Variants in ABCA12 observed in about 807,000 individuals in gnomAD.
ABCA12 encodes ATP binding cassette subfamily A member 12, also known as glucosylceramide transporter ABCA12.
Under a neutral mutation model 293.5 loss-of-function variants are expected in ABCA12, and 156 were observed. That is an observed-to-expected ratio of 0.53 (90% confidence interval 0.47 to 0.61). The LOEUF is 0.61. Among genes scored for constraint, ABCA12 ranks in the 20% least tolerant of loss-of-function variants. The probability of loss-of-function intolerance (pLI) is 0.00; values close to 1 mark genes in which losing one functional copy is unlikely to be tolerated. For synonymous variants in ABCA12, 1,063 were observed against 1,108.0 expected, an observed-to-expected ratio of 0.96 and a Z score of 0.81; for missense variants, 2,797 against 3,090.2, an observed-to-expected ratio of 0.91 and a Z score of 2.25.
At chr2:215,055,542 T>A (rs6730559) in intron 3 of ABCA12, among the ~76,000 whole-genome samples, 97,395 of 151,896 alleles carry the variant, frequency 0.64, 31,870 homozygotes, top group African/African-American at 0.77. Context: ...AAAGTTGGTG[T>A]ATTTTATGTA....
At chr2:214,989,198 A>ATATATATATATATATATATATATT in intron 26 of ABCA12, 131 bp downstream of exon 26, 1 of 142,116 alleles carries the variant, frequency 7.0e-6, no homozygotes, top group East Asian at 2.1e-4. Flanking sequence ...ATATATATAT[A>ATATATATATATATATATATATATT]TATATATATA....
At chr2:215,083,513 G>A (rs904954876) in intron 2 of ABCA12, among the ~76,000 whole-genome samples, 23 of 152,070 alleles carry the variant, frequency 1.5e-4, no homozygotes, top group African/African-American at 5.3e-4. Flanking sequence ...GCAATTTTAC[G>A]TCAAAGTCTC....
chr2:215,084,522 C>T (rs2106098623), intron 2 of ABCA12, among the ~76,000 whole-genome samples: 1 of 152,296 alleles, frequency 6.6e-6, no homozygotes, highest in African/African-American at 2.4e-5. Flanking sequence ...GTGAAAGACA[C>T]TCTCCTACTG....
rs1367035758 is a variant in ABCA12, at chr2:215,001,538, C to T, written c.2863+20G>A. The T allele has an allele frequency of 6.2e-7, 1 of 1,613,286 alleles. No individual in the cohort carries two copies. Among genetic ancestry groups the T allele is most frequent in the Non-Finnish European group, 8.5e-7 (1 of 1,179,564 alleles). On this transcript the variant is annotated intron_variant, in intron 21 of 52. Coordinates refer to ENST00000272895, the MANE Select transcript of ABCA12 (RefSeq NM_173076.3). ...TTTTAGCACAAAGAGATGCTCAAACCCTAATAGAACAGCACTTACTTCCAA... is the reference window on the plus strand; with the variant it reads ...TTTTAGCACAAAGAGATGCTCAAACTCTAATAGAACAGCACTTACTTCCAA...
intron 2 of ABCA12, among the ~76,000 whole-genome samples, chr2:215,080,432 G>A (rs1701914758): frequency 6.6e-6 from 1 of 151,978 alleles, no homozygotes; most frequent in Non-Finnish European, 1.5e-5. Context: ...GAACCCAGGA[G>A]GCGGAGGTTG....
At chr2:214,987,089 A>G (rs1046503330) in intron 27 of ABCA12, among the ~76,000 whole-genome samples, 1 of 152,166 alleles carries the variant, frequency 6.6e-6, no homozygotes, top group Non-Finnish European at 1.5e-5. Flanking sequence ...ATGCCTCCAA[A>G]GTTGTGATTT....
rs780145431 is a variant in ABCA12, at chr2:215,026,860, A to G, written c.1140T>C (p.Cys380=). ...CCAAACTGTCAGTCACATTTCTCAC[A>G]CATGCCAAGTAAGGAATATAAGGAC... ...ANSPYIPYLA[C]VRNVTDSLAR... is the part of the protein sequence containing the mutation. Residue 380 remains cysteine (C), a synonymous_variant, in exon 10 of 53, where the codon TGT becomes TGC. Transcript: ENST00000272895. 9.3e-6 allele frequency: 15 copies of G among 1,613,686 alleles called. No homozygotes were observed. The highest frequency in any genetic ancestry group is 3.3e-5 in the South Asian group (3 of 91,078).
chr2:215,035,291 A>G (rs1700967945), intron 8 of ABCA12, among the ~76,000 whole-genome samples: 1 of 152,238 alleles, frequency 6.6e-6, no homozygotes, highest in African/African-American at 2.4e-5. Context: ...AAGAAACAAA[A>G]GGTAAGTGTA....
chr2:215,099,368 CA>C (rs1702307650), intron 2 of ABCA12, among the ~76,000 whole-genome samples: 1 of 152,190 alleles, frequency 6.6e-6, no homozygotes, highest in Admixed American at 6.5e-5. Flanking sequence ...TGAGACACAC[CA>C]AGGCAAAGCC....
chr2:215,004,337 A>G (rs1700208911), intron 19 of ABCA12, 38 bp from the exon 20 acceptor site: 1 of 1,497,382 alleles, frequency 6.7e-7, no homozygotes, highest in South Asian at 1.1e-5. Flanking sequence ...TCAATACAAG[A>G]AAAATCATGT....
intron 2 of ABCA12, among the ~76,000 whole-genome samples, chr2:215,094,595 T>A (rs1039659894): frequency 6.6e-6 from 1 of 152,192 alleles, no homozygotes; most frequent in Non-Finnish European, 1.5e-5. Context: ...TTAGAACCTC[T>A]CATTTCCTTT....
At chr2:215,076,278 C>T (rs1302963395) in intron 2 of ABCA12, among the ~76,000 whole-genome samples, 2 of 152,136 alleles carry the variant, frequency 1.3e-5, no homozygotes, top group Admixed American at 6.6e-5. Flanking sequence ...ATCCATTTTT[C>T]GTCAAAGTTA....
In ABCA12 at chr2:214,975,877, G is replaced by C. The variant is rs1383972491; in HGVS notation, c.5289C>G (p.Gly1763=). Reference sequence around the variant, plus strand: ...TGCTGGAATTTCTCAGTGTGCCAAGGCCCATGGCAGTGGTAACAAAGACGA... The same window carrying C: ...TGCTGGAATTTCTCAGTGTGCCAAGCCCCATGGCAGTGGTAACAAAGACGA... ...LPIVFVTTAM[G]LGTLRNSSNS... is the part of the protein sequence containing the mutation. The change falls in exon 34 of 53, where the codon GGC becomes GGG. Residue 1763 remains glycine, a synonymous_variant. Coordinates refer to ENST00000272895, the MANE Select transcript of ABCA12 (RefSeq NM_173076.3). 1.2e-6 allele frequency: 2 copies of C among 1,613,968 alleles called. No homozygotes were observed. The highest frequency in any genetic ancestry group is 1.7e-6 in the Non-Finnish European group (2 of 1,179,998).
Position 214,953,862 on chromosome 2 carries a change from C to T in ABCA12, c.6639G>A (p.Lys2213=), listed in dbSNP as rs1338369030. 1 of 1,613,562 alleles carries T rather than the reference C, an allele frequency of 6.2e-7. No individual in the cohort carries two copies. Among genetic ancestry groups the T allele is most frequent in the Non-Finnish European group, 8.5e-7 (1 of 1,179,820 alleles). The change falls in exon 44 of 53, where the codon AAG becomes AAA. Residue 2213 remains lysine, a synonymous_variant. Coordinates refer to ENST00000272895, the MANE Select transcript of ABCA12 (RefSeq NM_173076.3). ...LRLLINESLI[K]KLRLFFRKFN... ...GTTTTCATTATATTTACCTGAGTTT[C>T]TTTATCAGGGATTCGTTGATTAAGA...
At chr2:215,010,541 C>G in intron 17 of ABCA12, 71 bp from the exon 18 acceptor site, 1 of 1,533,564 alleles carries the variant, frequency 6.5e-7, no homozygotes, top group Non-Finnish European at 8.9e-7. Flanking sequence ...GGCAAATTGA[C>G]AGAGATTATT....
At chr2:215,074,043 A>G (rs186241066) in intron 2 of ABCA12, among the ~76,000 whole-genome samples, 18 of 152,338 alleles carry the variant, frequency 1.2e-4, no homozygotes, top group Admixed American at 1.0e-3. Context: ...ATCTGATTAC[A>G]GAACATGTCT....
intron 30 of ABCA12, 149 bp from the exon 31 acceptor site, chr2:214,980,792 C>A (rs1049921266): frequency 4.8e-6 from 5 of 1,040,746 alleles, no homozygotes; most frequent in Non-Finnish European, 5.7e-6. Context: ...CAAAGAGCTT[C>A]CAAAATGATG....
rs1703271753 is a variant in ABCA12 at position 215,138,150 on chromosome 2, T to C, written c.59A>G (p.Lys20Arg). 1 of 1,614,106 alleles carries C rather than the reference T, an allele frequency of 6.2e-7. No individual in the cohort carries two copies. Among genetic ancestry groups the C allele is most frequent in the Non-Finnish European group, 8.5e-7 (1 of 1,180,006 alleles). Reference sequence around the variant, plus strand: ...TTTTTTTTAACTCACCGGCTGCCTTTTTACACCTAGCCAATTTTTCCAGAC... The same window carrying C: ...TTTTTTTTAACTCACCGGCTGCCTTCTTACACCTAGCCAATTTTTCCAGAC... The part of the protein sequence containing the change: ...ILVWKNWLGV[K>R]RQPLWTLVLI... Residue 20 changes from lysine to arginine, a missense_variant, in exon 1 of 53, where the codon AAA (lysine) becomes AGA (arginine). Around this residue, in one of 3 missense-constraint regions of ABCA12, gnomAD observed 11 missense variants for 25.0 expected, o/e 0.44. Coordinates refer to ENST00000272895, the MANE Select transcript of ABCA12 (RefSeq NM_173076.3).
Position 214,958,392 on chromosome 2 carries a change from G to A in ABCA12, c.6002C>T (p.Thr2001Ile), listed in dbSNP as rs1325182883. ...LSILMGYSVT[T>I]ASFVTYVVRE... Reference sequence around the variant, plus strand: ...TACAACATAGGTGACAAAGCTGGCGGTGGTGACAGAGTAGCCCATCAAGAT... The same window carrying A: ...TACAACATAGGTGACAAAGCTGGCGATGGTGACAGAGTAGCCCATCAAGAT... Residue 2001 changes from threonine to isoleucine, a missense_variant, in exon 41 of 53, where the codon ACC (threonine) becomes ATC (isoleucine). By Grantham distance (89) the Thr-to-Ile change is moderately conservative. Transcript: ENST00000272895. 1 of 1,614,040 alleles carries A rather than the reference G, an allele frequency of 6.2e-7. No individual in the cohort carries two copies. The highest frequency in any genetic ancestry group is 8.5e-7 in the Non-Finnish European group (1 of 1,179,938).
Sources: allele counts gnomAD v4.1 joint callset (sites outside exome capture counted in the v4.1 genomes callset), GRCh38; gene constraint gnomAD v4.1.1; regional missense constraint gnomAD v4.1.1; transcripts MANE v1.5; gene names NCBI Gene and HGNC (gene_info 2026-07-23, HGNC 2026-07-21).